SPSB1: variants seen among roughly 807,000 people sequenced by gnomAD.
The protein encoded by SPSB1 is SPRY domain-containing SOCS box protein 1.
Under a neutral mutation model 21.2 loss-of-function variants are expected in SPSB1, and 8 were observed. That is an observed-to-expected ratio of 0.38 (90% CI 0.22 to 0.68). The LOEUF (loss-of-function observed/expected upper bound fraction) is 0.68, where lower values mean the gene tolerates loss of function less well. Among genes scored for constraint, SPSB1 ranks in the 30% least tolerant of loss-of-function variants. SPSB1 has a pLI of 0.53. For missense variants in SPSB1, 242 were observed against 377.8 expected (o/e 0.64, Z 2.98); for synonymous variants, 169 against 161.7 (o/e 1.05, Z -0.34).
chr1:9,294,767 G>A lies in SPSB1; in HGVS notation c.-150+1696G>A, dbSNP rs377186103. On this transcript the variant is annotated intron_variant, in intron 1 of 2. Coordinates refer to ENST00000328089, the MANE Select transcript of SPSB1 (RefSeq NM_025106.4). ...CCCACAACTTCATTTCTCATCGTGG[G>A]GTGTGAGGAGAACAGCAAGCAAGGA... Among the ~76,000 whole-genome samples the A allele has an allele frequency of 7.9e-5, 12 of 152,258 alleles. No homozygotes were observed. The East Asian group carries it at 1.7e-3, about 22-fold the overall frequency.
chr1:9,365,422 C>T (rs2100524548), intron 2 of SPSB1, among the ~76,000 whole-genome samples: 1 of 152,282 alleles, frequency 6.6e-6, no homozygotes, highest in South Asian at 2.1e-4. Context: ...TGACCTGGTC[C>T]CTCTTCTTTT....
chr1:9,334,862 A>T (rs79517478), intron 1 of SPSB1, among the ~76,000 whole-genome samples: 11,163 of 152,282 alleles, frequency 0.073, 466 homozygotes, highest in South Asian at 0.16. Flanking sequence ...CTCATATAGC[A>T]TGTATCAAAA....
intron 1 of SPSB1, among the ~76,000 whole-genome samples, chr1:9,355,268 C>G (rs1268520868): frequency 6.6e-6 from 1 of 152,206 alleles, no homozygotes; most frequent in Non-Finnish European, 1.5e-5. Context: ...GGAGGAGGAG[C>G]TGGGATTGGC....
At chr1:9,300,803 C>G (rs1337625754) in intron 1 of SPSB1, among the ~76,000 whole-genome samples, 2 of 152,164 alleles carry the variant, frequency 1.3e-5, no homozygotes, top group Non-Finnish European at 2.9e-5. Context: ...GTCCAAAGGC[C>G]CATGGTTCTT....
chr1:9,323,160 G>A (rs1287624263), intron 1 of SPSB1, among the ~76,000 whole-genome samples: 1 of 152,222 alleles, frequency 6.6e-6, no homozygotes, highest in Non-Finnish European at 1.5e-5. Flanking sequence ...CCATGTTGGA[G>A]GGGGGTATCC....
At chr1:9,319,490 G>C (rs114161890) in intron 1 of SPSB1, among the ~76,000 whole-genome samples, 2,698 of 152,278 alleles carry the variant, frequency 0.018, 82 homozygotes, top group African/African-American at 0.062. Context: ...CCGAGGCCCT[G>C]CTGTCCCCAT....
In SPSB1 at chr1:9,321,516, C is replaced by T. The variant is rs973490125; in HGVS notation, c.-150+28445C>T. On this transcript the variant is annotated intron_variant, in intron 1 of 2. Coordinates refer to ENST00000328089, the MANE Select transcript of SPSB1 (RefSeq NM_025106.4). This position sits in a 1 kb window ranked among gnomAD's most constrained non-coding sequence, Gnocchi z 4.8. Reference sequence around the variant, plus strand: ...CCAGACCTTTACCGAACACTTACTGCGTGCCAAGGATTCAGCTCAGAACGG... The same window carrying T: ...CCAGACCTTTACCGAACACTTACTGTGTGCCAAGGATTCAGCTCAGAACGG... Among the ~76,000 whole-genome samples the T allele has an allele frequency of 1.3e-5, 2 of 152,192 alleles. No homozygotes were observed. Among genetic ancestry groups the T allele is most frequent in the Non-Finnish European group, 2.9e-5 (2 of 68,036 alleles).
chr1:9,363,781 AC>A lies in SPSB1; in HGVS notation c.695-3665del, dbSNP rs1640514694. Among the ~76,000 whole-genome samples, 1 of 151,820 alleles carries A rather than the reference AC, an allele frequency of 6.6e-6. No individual in the cohort carries two copies. On this transcript the variant is annotated intron_variant, in intron 2 of 2. Transcript: ENST00000328089. This position sits in a 1 kb window ranked among gnomAD's most constrained non-coding sequence, Gnocchi z 4.5. ...GTGGCGCAATCTCAGCTCACTGCAA[AC>A]CTCTGCCTCCCAGGTTCAAGCAATC...
At chr1:9,331,335 T>TTG (rs1639915990) in intron 1 of SPSB1, among the ~76,000 whole-genome samples, 1 of 143,150 alleles carries the variant, frequency 7.0e-6, no homozygotes, top group African/African-American at 2.6e-5. Flanking sequence ...TTTTTTTTTT[T>TTG]TTTTTTTTTT....
chr1:9,364,932 A>T (rs1420581489), intron 2 of SPSB1, among the ~76,000 whole-genome samples: 1 of 150,200 alleles, frequency 6.7e-6, no homozygotes, highest in Non-Finnish European at 1.5e-5. Context: ...GGTCACTGCA[A>T]CCTCCACCTC....
intron 1 of SPSB1, among the ~76,000 whole-genome samples, chr1:9,322,832 G>T (rs952582572): frequency 2.0e-5 from 3 of 151,890 alleles, no homozygotes; most frequent in Non-Finnish European, 2.9e-5. Flanking sequence ...GTAGGGAAGC[G>T]CTGCGTTAGG....
intron 1 of SPSB1, among the ~76,000 whole-genome samples, chr1:9,336,384 G>T (rs553474070): frequency 1.3e-5 from 2 of 152,128 alleles, no homozygotes; most frequent in Admixed American, 6.5e-5. Flanking sequence ...GCACCACTAT[G>T]CCCGGCTAAT....
chr1:9,361,806 G>T (rs753181342), intron 2 of SPSB1, among the ~76,000 whole-genome samples: 21 of 152,248 alleles, frequency 1.4e-4, no homozygotes, highest in Non-Finnish European at 2.8e-4. Flanking sequence ...GGGAGACACA[G>T]GGCCTGGCCT....
chr1:9,315,719 G>T (rs1350234320), intron 1 of SPSB1, among the ~76,000 whole-genome samples: 1 of 152,254 alleles, frequency 6.6e-6, no homozygotes, highest in Non-Finnish European at 1.5e-5. Context: ...TGGGGAGTTG[G>T]TGGGGGGCCT....
rs1639149547 is a variant in SPSB1 at position 9,293,220 on chromosome 1, G to C, written c.-150+149G>C. The stretch of plus-strand genomic sequence containing the variant: ...GGGGCCGGGCGCGGGGGAGCGGGTG[G>C]AGTACGGGATGGGGACTCGGGGCGC... On this transcript the variant is annotated intron_variant, in intron 1 of 2. Coordinates refer to ENST00000328089, the MANE Select transcript of SPSB1 (RefSeq NM_025106.4). The surrounding 1 kb of genome is among the most constrained non-coding windows in gnomAD (Gnocchi z 5.1). 1 of 926,544 alleles carries C rather than the reference G, an allele frequency of 1.1e-6. No homozygotes were observed. The allele number at this position is 926,544 out of a possible 1,614,324, so 57.4% of individuals were successfully genotyped here.
At chr1:9,300,255 G>C (rs542341970) in intron 1 of SPSB1, among the ~76,000 whole-genome samples, 15 of 152,306 alleles carry the variant, frequency 9.8e-5, no homozygotes, top group African/African-American at 3.6e-4. Flanking sequence ...TCGTGGGCCT[G>C]TTTGGACTTT....
At chr1:9,338,948 G>A (rs1036818127) in intron 1 of SPSB1, among the ~76,000 whole-genome samples, 5 of 152,212 alleles carry the variant, frequency 3.3e-5, no homozygotes, top group Non-Finnish European at 5.9e-5. Context: ...AAACCCGGCC[G>A]ATTACCTTGT....
In SPSB1 at chr1:9,361,156, C is replaced by CCTTTTTTTTTTTTT. The variant is rs1553128958; in HGVS notation, c.694+4571_694+4572insCTTTTTTTTTTTTT. Among the ~76,000 whole-genome samples, 33 of 102,574 alleles carry CCTTTTTTTTTTTTT rather than the reference C, an allele frequency of 3.2e-4. 12 individuals are homozygous for CCTTTTTTTTTTTTT. Among genetic ancestry groups the CCTTTTTTTTTTTTT allele is most frequent in the South Asian group, 6.7e-4 (2 of 2,980 alleles). The allele number at this position is 102,574 out of a possible 152,430, so 67.3% of individuals were successfully genotyped here. Reference sequence around the variant, plus strand: ...CAGGCATGGCTGGATCTGTCATTTTCTTTTTTTTTTTTTTTTTTTTTTTTT... The same window carrying CCTTTTTTTTTTTTT: ...CAGGCATGGCTGGATCTGTCATTTTCCTTTTTTTTTTTTTTTTTTTTTTTTTTTTTTTTTTTTTT... On this transcript the variant is annotated intron_variant, in intron 2 of 2. Coordinates refer to ENST00000328089, the MANE Select transcript of SPSB1 (RefSeq NM_025106.4).
Position 9,346,199 on chromosome 1 carries a change from C to T in SPSB1, c.-149-9544C>T, listed in dbSNP as rs1640164260. Among the ~76,000 whole-genome samples, 1 of 152,238 alleles carries T rather than the reference C, an allele frequency of 6.6e-6. No individual in the cohort carries two copies. The highest frequency in any genetic ancestry group is 1.5e-5 in the Non-Finnish European group (1 of 68,040). On this transcript the variant is annotated intron_variant, in intron 1 of 2. Coordinates refer to ENST00000328089, the MANE Select transcript of SPSB1 (RefSeq NM_025106.4). The surrounding 1 kb of genome is among the most constrained non-coding windows in gnomAD (Gnocchi z 4.4). ...ACCACTGATGTGTGAGACGGGGCGG[C>T]AGAGGGAGGGAACTTACGTGATCTT...
Sources: allele counts gnomAD v4.1 joint callset (sites outside exome capture counted in the v4.1 genomes callset), GRCh38; gene constraint gnomAD v4.1.1; non-coding constraint Gnocchi (gnomAD v3.1); transcripts MANE v1.5; gene names NCBI Gene and HGNC (gene_info 2026-07-23, HGNC 2026-07-21).